The following GSDME variants were observed in gnomAD, a reference collection of about 807,000 sequenced individuals.
GSDME encodes gasdermin-E.
Under a neutral mutation model 47.5 loss-of-function variants are expected in GSDME, and 44 were observed. The ratio of observed to expected loss-of-function variants is 0.93; its 90% CI spans 0.73 to 1.19. The LOEUF (loss-of-function observed/expected upper bound fraction) is 1.19, where lower values mean the gene tolerates loss of function less well. GSDME is among the 50% of genes most tolerant of loss of function. GSDME has a pLI of 0.00. For missense variants in GSDME, 663 were observed against 604.2 expected, an observed-to-expected ratio of 1.10 and a Z score of -1.02; for synonymous variants, 258 against 252.8, an observed-to-expected ratio of 1.02 and a Z score of -0.20.
intron 5 of GSDME, chr7:24,717,003 G>C (rs1313496638): frequency 3.8e-6 from 2 of 522,810 alleles, no homozygotes; most frequent in African/African-American, 1.9e-5. Flanking sequence ...TACTGTGCTG[G>C]TGGAACTTTG....
rs1789934678 is a variant in GSDME at position 24,725,482 on chromosome 7, T to C, written c.405-6264A>G. On this transcript the variant is annotated intron_variant, in intron 3 of 9. Coordinates refer to ENST00000645220, the MANE Select transcript of GSDME (RefSeq NM_001127453.2). The surrounding 1 kb of genome is among the most constrained non-coding windows in gnomAD (Gnocchi z 5.1). ...CCAAGTTAAACAAGGAAGGGGTTTA[T>C]TCGGCCGGGAGCGTCGGCAAGACTC... 6.6e-6 allele frequency among the ~76,000 whole-genome samples: 1 copy of C among 152,106 alleles called. No homozygotes were observed. Among genetic ancestry groups the C allele is most frequent in the Non-Finnish European group, 1.5e-5 (1 of 68,012 alleles).
At position 24,754,378 on chromosome 7, in the gene GSDME, G is replaced by A. The variant is rs554182347; in HGVS notation, c.-20+3018C>T. Among the ~76,000 whole-genome samples the A allele has an allele frequency of 2.6e-5, 4 of 151,980 alleles. No homozygotes were observed. Among genetic ancestry groups the A allele is most frequent in the East Asian group, 1.9e-4 (1 of 5,174 alleles). On this transcript the variant is annotated intron_variant, in intron 1 of 9. Transcript: ENST00000645220. This position sits in a 1 kb window ranked among gnomAD's most constrained non-coding sequence, Gnocchi z 5.0. ...TGGCAGGCAGTAATCCCAGCTACTC[G>A]GGAGGCTGAGGCAGGAGAATCACTT...
upstream of GSDME, among the ~76,000 whole-genome samples, chr7:24,762,858 G>A (rs550457738): frequency 7.1e-6 from 1 of 141,728 alleles, no homozygotes; most frequent in Admixed American, 6.9e-5. Flanking sequence ...GGTGGGTGGG[G>A]AGGAAGAACC....
At chr7:24,763,556 G>A in the GSDME span, among the ~76,000 whole-genome samples, 15 of 152,302 alleles carry the variant, frequency 9.8e-5, 1 homozygote, top group South Asian at 3.1e-3. The surrounding 1 kb of genome is among the most constrained non-coding windows in gnomAD (Gnocchi z 4.3). Flanking sequence ...AAGACAGCAT[G>A]AGATTTCATC....
chr7:24,731,634 G>C (rs778527999), intron 3 of GSDME, among the ~76,000 whole-genome samples: 2 of 152,214 alleles, frequency 1.3e-5, no homozygotes, highest in Non-Finnish European at 2.9e-5. Flanking sequence ...TATACTTATT[G>C]CAAGTGGTAA....
rs1790185465 is a variant in GSDME, at chr7:24,732,733, C to T, written c.404+11829G>A. Among the ~76,000 whole-genome samples the T allele has an allele frequency of 6.6e-6, 1 of 152,196 alleles. No homozygotes were observed. Among genetic ancestry groups the T allele is most frequent in the Non-Finnish European group, 1.5e-5 (1 of 68,032 alleles). On this transcript the variant is annotated intron_variant, in intron 3 of 9. Coordinates refer to ENST00000645220, the MANE Select transcript of GSDME (RefSeq NM_001127453.2). This position sits in a 1 kb window ranked among gnomAD's most constrained non-coding sequence, Gnocchi z 4.8. ...AGGGAGCATGTAGACCAGCCCTAGC[C>T]AGAGGAGAATCACCCATCCCAGTGG... is the stretch of plus-strand genomic sequence containing the variant.
chr7:24,714,430 C>CA lies in GSDME; in HGVS notation c.697+2823dup, dbSNP rs796872355. Among the ~76,000 whole-genome samples the CA allele has an allele frequency of 5.1e-4, 77 of 151,060 alleles. 1 individual carries two copies. The highest frequency in any genetic ancestry group is 1.7e-3 in the African/African-American group (71 of 41,148). ...GCAAGAGCAACAGAAAACGGATGGG[C>CA]AAAAAAAAGAAAAGAAATAGCAGAA... is the stretch of plus-strand genomic sequence containing the variant. On this transcript the variant is annotated intron_variant, in intron 5 of 9. Transcript: ENST00000645220. This position sits in a 1 kb window ranked among gnomAD's most constrained non-coding sequence, Gnocchi z 5.0.
intron 6 of GSDME, among the ~76,000 whole-genome samples, chr7:24,709,740 C>T (rs370111714): frequency 6.6e-6 from 1 of 152,208 alleles, no homozygotes; most frequent in African/African-American, 2.4e-5. Context: ...GCCCCTCTTC[C>T]TCTTTGGCAC....
the GSDME span, among the ~76,000 whole-genome samples, chr7:24,768,586 G>C: frequency 6.6e-6 from 1 of 152,192 alleles, no homozygotes; most frequent in African/African-American, 2.4e-5. The surrounding 1 kb of genome is among the most constrained non-coding windows in gnomAD (Gnocchi z 5.6). Flanking sequence ...CCTCAAAGTA[G>C]AGGTTCCCAA....
rs749964998 is a variant in GSDME, at chr7:24,706,412, C to G, written c.991-36G>C. On this transcript the variant is annotated intron_variant, in intron 7 of 9. Coordinates refer to ENST00000645220, the MANE Select transcript of GSDME (RefSeq NM_001127453.2). Reference sequence around the variant, plus strand: ...GGGAAGAAGAAGGGTCATGACACAGCTGGAGACCAAGCGCCACAGCTGGGG... The same window carrying G: ...GGGAAGAAGAAGGGTCATGACACAGGTGGAGACCAAGCGCCACAGCTGGGG... 1.9e-6 allele frequency: 3 copies of G among 1,599,816 alleles called. No homozygotes were observed. The African/African-American group carries it at 4.0e-5, about 21-fold the overall frequency.
rs986981652 is a variant in GSDME at position 24,705,380 on chromosome 7, C to G, written c.1183+804G>C. On this transcript the variant is annotated intron_variant, in intron 8 of 9. Transcript: ENST00000645220. This position sits in a 1 kb window ranked among gnomAD's most constrained non-coding sequence, Gnocchi z 4.1. ...GGACAGGCATTCTCTCAGATTAATTCTTTAAAAACTGAAGATTACTGGGTC... is the reference window on the plus strand; with the variant it reads ...GGACAGGCATTCTCTCAGATTAATTGTTTAAAAACTGAAGATTACTGGGTC... 1 of 152,438 alleles carries G rather than the reference C, an allele frequency of 6.6e-6. No individual in the cohort carries two copies. Among genetic ancestry groups the G allele is most frequent in the African/African-American group, 2.4e-5 (1 of 41,428 alleles). 9.4% of individuals were successfully genotyped at this position (152,438 alleles called of 1,614,324 possible). A position where few individuals can be genotyped will look rare whatever the true frequency, so the allele number is the denominator to read the frequency against.
rs183493677 is a variant in GSDME at position 24,732,310 on chromosome 7, G to A, written c.404+12252C>T. Among the ~76,000 whole-genome samples the A allele has an allele frequency of 2.9e-4, 44 of 152,184 alleles. No individual in the cohort carries two copies. Among genetic ancestry groups the A allele is most frequent in the Non-Finnish European group, 2.1e-4 (14 of 68,038 alleles). On this transcript the variant is annotated intron_variant, in intron 3 of 9. Coordinates refer to ENST00000645220, the MANE Select transcript of GSDME (RefSeq NM_001127453.2). This position sits in a 1 kb window ranked among gnomAD's most constrained non-coding sequence, Gnocchi z 4.8. ...TTCAAACTTTGTTTTTTCCAAGAAA[G>A]ACATGGCTCCTCAAATCTTTCTCCT... is the stretch of plus-strand genomic sequence containing the variant.
chr7:24,707,989 A>G, intron 7 of GSDME, 138 bp downstream of exon 7: 1 of 1,082,726 alleles, frequency 9.2e-7, no homozygotes, highest in East Asian at 2.5e-5. Flanking sequence ...TAGAAAACGC[A>G]GGACCCAAGA....
Position 24,726,480 on chromosome 7 carries a change from G to A in GSDME, c.405-7262C>T, listed in dbSNP as rs1319055235. ...CAGATGCAAGTTTCTCAGGGAAGAG[G>A]CCAAGGCAGCCACCACTAGCAGGGT... is the stretch of plus-strand genomic sequence containing the variant. On this transcript the variant is annotated intron_variant, in intron 3 of 9. Transcript: ENST00000645220. This position sits in a 1 kb window ranked among gnomAD's most constrained non-coding sequence, Gnocchi z 5.6. 1.3e-5 allele frequency among the ~76,000 whole-genome samples: 2 copies of A among 152,120 alleles called. No homozygotes were observed. Among genetic ancestry groups the A allele is most frequent in the Admixed American group, 6.5e-5 (1 of 15,278 alleles).
the GSDME span, among the ~76,000 whole-genome samples, chr7:24,763,228 T>C: frequency 5.9e-5 from 9 of 152,182 alleles, no homozygotes; most frequent in African/African-American, 2.2e-4. The surrounding 1 kb of genome is among the most constrained non-coding windows in gnomAD (Gnocchi z 4.3). Flanking sequence ...TTCTTTTCTC[T>C]TCTTTAGTTT....
rs1194677036 is a variant in GSDME, at chr7:24,710,340, CTCT to C, written c.743_745del (p.Lys248del). On this transcript the variant is annotated inframe_deletion, in exon 6 of 10. Transcript: ENST00000645220. Reference sequence around the variant, plus strand: ...GGGGTCCAGGTAGACAGAGTCAATTCTCTTCTTGTTCTCGAAGCCACCTTGCTT... The same window carrying C: ...GGGGTCCAGGTAGACAGAGTCAATTCTCTTGTTCTCGAAGCCACCTTGCTT... 12 of 1,614,154 alleles carry C rather than the reference CTCT, an allele frequency of 7.4e-6. No individual in the cohort carries two copies. Among genetic ancestry groups the C allele is most frequent in the Non-Finnish European group, 9.3e-6 (11 of 1,180,060 alleles).
the GSDME span, among the ~76,000 whole-genome samples, chr7:24,776,913 G>C: frequency 6.6e-6 from 1 of 152,064 alleles, no homozygotes; most frequent in East Asian, 1.9e-4. Flanking sequence ...ACTATTAACA[G>C]TGTTTTCTTG....
chr7:24,782,906 A>G, the GSDME span, among the ~76,000 whole-genome samples: 3 of 152,178 alleles, frequency 2.0e-5, no homozygotes, highest in African/African-American at 7.2e-5. Context: ...CCACTTTTTG[A>G]TGGGGTTGTT....
At chr7:24,791,562 C>A in the GSDME span, among the ~76,000 whole-genome samples, 1 of 152,210 alleles carries the variant, frequency 6.6e-6, no homozygotes, top group Admixed American at 6.5e-5. The surrounding 1 kb of genome is among the most constrained non-coding windows in gnomAD (Gnocchi z 4.8). Flanking sequence ...TGGTCTCATG[C>A]ACAGCCAGTA....
Sources: allele counts gnomAD v4.1 joint callset (sites outside exome capture counted in the v4.1 genomes callset), GRCh38; gene constraint gnomAD v4.1.1; non-coding constraint Gnocchi (gnomAD v3.1); transcripts MANE v1.5; gene names NCBI Gene and HGNC (gene_info 2026-07-23, HGNC 2026-07-21).